The following ALX4 variants were observed in gnomAD, a reference collection of about 807,000 sequenced individuals.
ALX4 encodes the protein ALX homeobox 4.
Under a neutral mutation model 40.6 loss-of-function variants are expected in ALX4, and 22 were observed. The observed-to-expected ratio is 0.54, with a 90% CI of 0.39 to 0.77. The LOEUF (loss-of-function observed/expected upper bound fraction) is 0.77, where lower values mean the gene tolerates loss of function less well. Among genes scored for constraint, ALX4 ranks in the 30% least tolerant of loss-of-function variants. The pLI, the probability that ALX4 is intolerant of heterozygous loss-of-function variation, is 0.00. For synonymous variants in ALX4, 266 were observed against 240.5 expected (o/e 1.11, Z -0.98); for missense variants, 556 against 564.8 (o/e 0.98, Z 0.16).
chr11:44,308,324 G>A (rs543083196), intron 1 of ALX4, among the ~76,000 whole-genome samples: 30 of 152,342 alleles, frequency 2.0e-4, no homozygotes, highest in African/African-American at 7.0e-4. Context: ...ATCTGCCATC[G>A]GCTGTTTTCC....
intron 1 of ALX4, among the ~76,000 whole-genome samples, chr11:44,301,318 G>T (rs567776486): frequency 6.6e-6 from 1 of 152,174 alleles, no homozygotes; most frequent in South Asian, 2.1e-4. Context: ...GTAACCAAAG[G>T]CCCTCAGGGC....
chr11:44,283,859 A>G (rs756094823), intron 1 of ALX4, among the ~76,000 whole-genome samples: 3 of 152,012 alleles, frequency 2.0e-5, no homozygotes, highest in African/African-American at 4.8e-5. Context: ...CCACCGCGCC[A>G]ATATTAGGTA....
chr11:44,279,792 G>T (rs949076035), intron 1 of ALX4, among the ~76,000 whole-genome samples: 1 of 152,146 alleles, frequency 6.6e-6, no homozygotes, highest in African/African-American at 2.4e-5. Context: ...ATCAAGCCCC[G>T]AATGTCCAGC....
At chr11:44,306,057 C>T (rs1253914941) in intron 1 of ALX4, among the ~76,000 whole-genome samples, 1 of 152,234 alleles carries the variant, frequency 6.6e-6, no homozygotes, top group African/African-American at 2.4e-5. Flanking sequence ...TCCTGTGGCC[C>T]AGGCGGCCCG....
At chr11:44,272,667 G>A (rs1956255398) in intron 2 of ALX4, among the ~76,000 whole-genome samples, 2 of 151,706 alleles carry the variant, frequency 1.3e-5, no homozygotes, top group African/African-American at 4.8e-5. Flanking sequence ...AAATTAGCTG[G>A]GTGTAGTGGT....
chr11:44,282,379 CCCAT>C (rs1002606875), intron 1 of ALX4, among the ~76,000 whole-genome samples: 4 of 152,310 alleles, frequency 2.6e-5, no homozygotes, highest in African/African-American at 9.6e-5. Flanking sequence ...ACCCGGAACT[CCCAT>C]CCATCACAGT....
chr11:44,293,080 T>C (rs1360458774), intron 1 of ALX4, among the ~76,000 whole-genome samples: 1 of 144,414 alleles, frequency 6.9e-6, no homozygotes, highest in East Asian at 2.1e-4. Flanking sequence ...GCCTGGGTGA[T>C]AGTGAGACCC....
intron 1 of ALX4, among the ~76,000 whole-genome samples, chr11:44,277,261 G>A (rs1163679829): frequency 6.6e-6 from 1 of 152,218 alleles, no homozygotes; most frequent in Non-Finnish European, 1.5e-5. Context: ...CTCCGACCCT[G>A]GAGAAGTCCT....
chr11:44,275,254 T>G, intron 2 of ALX4, 94 bp downstream of exon 2: 2 of 1,285,692 alleles, frequency 1.6e-6, no homozygotes, highest in Non-Finnish European at 1.1e-6. Context: ...AGCCATGGTG[T>G]GGTTGGTGGG....
intron 1 of ALX4, among the ~76,000 whole-genome samples, chr11:44,295,482 G>A (rs1470108850): frequency 1.3e-5 from 2 of 152,240 alleles, no homozygotes; most frequent in Non-Finnish European, 2.9e-5. Context: ...CACCTAGGCC[G>A]GGGAAGTTCC....
At chr11:44,277,544 C>G (rs1173489168) in intron 1 of ALX4, among the ~76,000 whole-genome samples, 2 of 152,142 alleles carry the variant, frequency 1.3e-5, no homozygotes, top group Admixed American at 1.3e-4. Context: ...CCACTCTGAC[C>G]CGCGGTTTCT....
intron 1 of ALX4, among the ~76,000 whole-genome samples, chr11:44,292,516 GTCCTAGTT>G (rs1270493243): frequency 8.6e-5 from 13 of 151,712 alleles, no homozygotes; most frequent in Middle Eastern, 6.8e-3. Flanking sequence ...ACCATGCCCA[GTCCTAGTT>G]TGTACTTTAG....
chr11:44,300,851 G>A (rs1956430486), intron 1 of ALX4, among the ~76,000 whole-genome samples: 1 of 152,256 alleles, frequency 6.6e-6, no homozygotes, highest in African/African-American at 2.4e-5. Context: ...AAAACTCATT[G>A]GCCTGGACAA....
At chr11:44,270,792 C>G (rs571864700) in intron 2 of ALX4, among the ~76,000 whole-genome samples, 20 of 152,240 alleles carry the variant, frequency 1.3e-4, no homozygotes, top group Non-Finnish European at 2.6e-4. Context: ...TGGGCCCACT[C>G]AGCACAGGCC....
chr11:44,290,932 G>A (rs1219043153), intron 1 of ALX4, among the ~76,000 whole-genome samples: 1 of 152,206 alleles, frequency 6.6e-6, no homozygotes, highest in Non-Finnish European at 1.5e-5. Context: ...TATTAACACA[G>A]TTATGATCTG....
chr11:44,285,210 C>T (rs1228651410), intron 1 of ALX4, among the ~76,000 whole-genome samples: 1 of 152,222 alleles, frequency 6.6e-6, no homozygotes, highest in East Asian at 1.9e-4. Context: ...GATGATCTGC[C>T]TTCCTGGGCC....
chr11:44,273,033 A>G (rs895266033), intron 2 of ALX4, among the ~76,000 whole-genome samples: 20 of 152,104 alleles, frequency 1.3e-4, no homozygotes, highest in Non-Finnish European at 2.5e-4. Flanking sequence ...GTTGTAACTG[A>G]TGAATCTTTT....
chr11:44,280,890 G>A lies in ALX4; in HGVS notation c.467-5232C>T, dbSNP rs375188894. 8.8e-4 allele frequency among the ~76,000 whole-genome samples: 134 copies of A among 152,318 alleles called. 1 individual carries two copies. Among genetic ancestry groups the A allele is most frequent in the Non-Finnish European group, 1.3e-3 (87 of 68,018 alleles). ...AACCTCTGCTGGAACTCCCCCTGGG[G>A]GGACCCCCGTACCACTGGGAGCTGT... On this transcript the variant is annotated intron_variant, in intron 1 of 3. Coordinates refer to ENST00000652299, the MANE Select transcript of ALX4 (RefSeq NM_021926.4).
At chr11:44,271,107 C>G (rs973108702) in intron 2 of ALX4, among the ~76,000 whole-genome samples, 1 of 152,048 alleles carries the variant, frequency 6.6e-6, no homozygotes, top group African/African-American at 2.4e-5. Context: ...GAGTATGGGC[C>G]CTGAACAAAC....
Sources: gnomAD v4.1 joint callset for allele counts (sites outside exome capture counted in the v4.1 genomes callset) on GRCh38, gnomAD v4.1.1 for gene constraint, MANE v1.5 for transcripts, NCBI Gene and HGNC (gene_info 2026-07-23, HGNC 2026-07-21) for gene names.